RXRA: variants seen among roughly 807,000 people sequenced by gnomAD.
RXRA encodes the protein retinoic acid receptor RXR-alpha.
In RXRA, 5 loss-of-function variants were observed where a neutral mutation model predicts 44.5. That is an observed-to-expected ratio of 0.11 (90% CI 0.06 to 0.24). The LOEUF is 0.24. RXRA is among the 10% of genes least tolerant of loss of function. The pLI is 1.00. For missense variants in RXRA, 412 were observed against 646.5 expected (o/e 0.64, Z 3.93); for synonymous variants, 291 against 271.4 (o/e 1.07, Z -0.71).
chr9:134,356,660 C>T (rs776311950), intron 1 of RXRA, among the ~76,000 whole-genome samples: 57 of 152,224 alleles, frequency 3.7e-4, no homozygotes, highest in Non-Finnish European at 2.2e-4. Flanking sequence ...CTGCGGTGGC[C>T]GTCCTGCTCA....
chr9:134,382,001 C>T (rs1830653966), intron 1 of RXRA, among the ~76,000 whole-genome samples: 1 of 152,172 alleles, frequency 6.6e-6, no homozygotes, highest in Non-Finnish European at 1.5e-5. Context: ...CCCCACGTCT[C>T]CTCCTCTCCT....
At chr9:134,425,789 C>G (rs1374296849) in intron 6 of RXRA, 16 of 985,406 alleles carry the variant, frequency 1.6e-5, no homozygotes, top group South Asian at 1.4e-4. Context: ...ATCACAAGCC[C>G]CATGGGGACA....
intron 1 of RXRA, among the ~76,000 whole-genome samples, chr9:134,348,123 A>G (rs1830176924): frequency 6.6e-6 from 1 of 152,094 alleles, no homozygotes; most frequent in Admixed American, 6.5e-5. Context: ...TGCTGTTTCT[A>G]GGGACATGAG....
chr9:134,414,529 G>C (rs760840692), intron 4 of RXRA, among the ~76,000 whole-genome samples: 1 of 152,256 alleles, frequency 6.6e-6, no homozygotes, highest in African/African-American at 2.4e-5. Flanking sequence ...CTTGGCCGGG[G>C]CCACACGGCT....
chr9:134,378,073 G>C (rs1193711231), intron 1 of RXRA, among the ~76,000 whole-genome samples: 1 of 152,254 alleles, frequency 6.6e-6, no homozygotes, highest in Non-Finnish European at 1.5e-5. Flanking sequence ...GTGGCGAGCA[G>C]GTTTCACGAT....
chr9:134,430,698 T>C (rs909522070), intron 7 of RXRA, among the ~76,000 whole-genome samples: 1 of 152,140 alleles, frequency 6.6e-6, no homozygotes, highest in African/African-American at 2.4e-5. Context: ...GAAGCTTCTT[T>C]AGAGGGGTAC....
chr9:134,427,419 G>A (rs111798849), intron 6 of RXRA, among the ~76,000 whole-genome samples: 62 of 152,288 alleles, frequency 4.1e-4, no homozygotes, highest in African/African-American at 1.4e-3. Flanking sequence ...AGTCTGTGAC[G>A]GTATTTCCAG....
In RXRA at chr9:134,433,343, G is replaced by A. The variant is rs975520585; in HGVS notation, c.1136-759G>A. Among the ~76,000 whole-genome samples the A allele has an allele frequency of 6.6e-6, 1 of 152,060 alleles. No homozygotes were observed. The highest frequency in any genetic ancestry group is 2.4e-5 in the African/African-American group (1 of 41,398). On this transcript the variant is annotated intron_variant, in intron 8 of 9. Transcript: ENST00000481739. This position sits in a 1 kb window ranked among gnomAD's most constrained non-coding sequence, Gnocchi z 4.2. ...ACCGGCTTGCAGGGAGGGTGAGATTGTCTGGCACAAGCAGGGTCCAGGCAC... is the reference window on the plus strand; with the variant it reads ...ACCGGCTTGCAGGGAGGGTGAGATTATCTGGCACAAGCAGGGTCCAGGCAC...
rs201440938 is a variant in RXRA, at chr9:134,421,814, C to T, written c.910+9C>T. The T allele has an allele frequency of 2.9e-5, 47 of 1,612,490 alleles. No homozygotes were observed. The highest frequency in any genetic ancestry group is 1.7e-4 in the Middle Eastern group (1 of 6,056). ...CATCCTGCTGCGGGCAGGTGAGTGG[C>T]GAGGCCTAGGTGGGGATGGGGATGC... is the stretch of plus-strand genomic sequence containing the variant. On this transcript the variant is annotated intron_variant, in intron 6 of 9. Coordinates refer to ENST00000481739, the MANE Select transcript of RXRA (RefSeq NM_002957.6).
intron 1 of RXRA, among the ~76,000 whole-genome samples, chr9:134,328,148 T>A (rs1471146782): frequency 2.0e-5 from 3 of 152,094 alleles, no homozygotes; most frequent in Admixed American, 2.0e-4. Context: ...AGCTTTGCAC[T>A]CACACATGTG....
In RXRA at chr9:134,436,580, T is replaced by C. The variant is rs565370421; in HGVS notation, c.1355T>C (p.Met452Thr). The C allele has an allele frequency of 2.5e-6, 4 of 1,614,098 alleles. No individual in the cohort carries two copies. The highest frequency in any genetic ancestry group is 1.1e-5 in the South Asian group (1 of 91,090). Residue 452 changes from methionine (M) to threonine (T), a missense_variant, in exon 10 of 10, where the codon ATG (methionine) becomes ACG (threonine). Transcript: ENST00000481739. The part of the protein sequence containing the change: ...IGDTPIDTFL[M>T]EMLEAPHQMT ...GACACACCCATTGACACCTTCCTTA[T>C]GGAGATGCTGGAGGCGCCGCACCAA...
chr9:134,417,808 C>T lies in RXRA; in HGVS notation c.780+481C>T, dbSNP rs780040275. ...GCCCTGGGCAGGTGCCCGGCAGTCG[C>T]GGTGGCTGCTGTTGATACAGGAAGC... On this transcript the variant is annotated intron_variant, in intron 5 of 9. Coordinates refer to ENST00000481739, the MANE Select transcript of RXRA (RefSeq NM_002957.6). The surrounding 1 kb of genome is among the most constrained non-coding windows in gnomAD (Gnocchi z 6.1). Among the ~76,000 whole-genome samples, 3 of 152,108 alleles carry T rather than the reference C, an allele frequency of 2.0e-5. No individual in the cohort carries two copies. Among genetic ancestry groups the T allele is most frequent in the African/African-American group, 4.8e-5 (2 of 41,420 alleles).
chr9:134,338,938 G>A (rs367745422), intron 1 of RXRA, among the ~76,000 whole-genome samples: 2 of 152,284 alleles, frequency 1.3e-5, no homozygotes, highest in African/African-American at 2.4e-5. Flanking sequence ...CTGCCTGGCC[G>A]CCTTTCTGAG....
intron 1 of RXRA, among the ~76,000 whole-genome samples, chr9:134,396,003 C>T (rs554720725): frequency 1.3e-5 from 2 of 152,122 alleles, no homozygotes; most frequent in African/African-American, 2.4e-5. Context: ...TGCGGGGAGG[C>T]GGGAAACAGA....
intron 1 of RXRA, among the ~76,000 whole-genome samples, chr9:134,373,309 A>T (rs1830513092): frequency 6.6e-6 from 1 of 151,900 alleles, no homozygotes; most frequent in Admixed American, 6.6e-5. Context: ...GCACTGAGTT[A>T]TGGGCACCTG....
chr9:134,417,212 C>T lies in RXRA; in HGVS notation c.665C>T (p.Ser222Leu), dbSNP rs139536056. The T allele has an allele frequency of 1.1e-5, 18 of 1,613,458 alleles. No homozygotes were observed. Among genetic ancestry groups the T allele is most frequent in the African/African-American group, 2.7e-5 (2 of 74,922 alleles). The change falls in exon 5 of 10, where the codon TCG (serine) becomes TTG (leucine). Residue 222 changes from serine to leucine, a missense_variant. Physicochemically the swap from Ser to Leu is moderately radical, Grantham distance 145 (BLOSUM62 -2). Around this residue, in one of 4 missense-constraint regions of RXRA, gnomAD observed 67 missense variants for 78.7 expected, o/e 0.85. Coordinates refer to ENST00000481739, the MANE Select transcript of RXRA (RefSeq NM_002957.6). This position sits in a 1 kb window ranked among gnomAD's most constrained non-coding sequence, Gnocchi z 6.1. ...GKDRNENEVE[S>L]TSSANEDMPV... ...GACCGGAACGAGAATGAGGTGGAGT[C>T]GACCAGCAGCGCCAACGAGGACATG...
In RXRA at chr9:134,429,186, T is replaced by C. The variant is rs1458037233; in HGVS notation, c.989T>C (p.Leu330Pro). 1.2e-6 allele frequency: 2 copies of C among 1,613,050 alleles called. No homozygotes were observed. The highest frequency in any genetic ancestry group is 2.2e-5 in the South Asian group (2 of 91,088). The stretch of plus-strand genomic sequence containing the variant: ...GACGGGATCCTCCTGGCCACCGGGC[T>C]GCACGTCCACCGGAACAGCGCCCAC... The part of the protein sequence containing the change: ...VKDGILLATG[L>P]HVHRNSAHSA... Residue 330 changes from leucine to proline, a missense_variant, in exon 7 of 10, where the codon CTG (leucine) becomes CCG (proline). Around this residue, in one of 4 missense-constraint regions of RXRA, gnomAD observed 141 missense variants for 270.8 expected, o/e 0.52. Transcript: ENST00000481739.
chr9:134,392,362 G>A (rs1018482010), intron 1 of RXRA, among the ~76,000 whole-genome samples: 2 of 149,838 alleles, frequency 1.3e-5, no homozygotes, highest in East Asian at 2.0e-4. Context: ...TCAGCTTACC[G>A]AGTGTCTCCG....
intron 1 of RXRA, among the ~76,000 whole-genome samples, chr9:134,391,506 G>T (rs1298959346): frequency 6.6e-6 from 1 of 152,202 alleles, no homozygotes; most frequent in Admixed American, 6.5e-5. Context: ...CACACAGGCG[G>T]GCTGTGGGGC....
Sources: allele counts gnomAD v4.1 joint callset (sites outside exome capture counted in the v4.1 genomes callset), GRCh38; gene constraint gnomAD v4.1.1; regional missense constraint gnomAD v4.1.1; non-coding constraint Gnocchi (gnomAD v3.1); transcripts MANE v1.5; gene names NCBI Gene and HGNC (gene_info 2026-07-23, HGNC 2026-07-21).